Variants in MBD3L1 observed in about 807,000 individuals in gnomAD.
MBD3L1 encodes the protein methyl-CpG-binding domain protein 3-like 1.
For missense variants in MBD3L1, 203 were observed against 230.1 expected (o/e 0.88, Z 0.76); for synonymous variants, 84 against 85.1 (o/e 0.99, Z 0.07).
intron 1 of MBD3L1, among the ~76,000 whole-genome samples, chr19:8,839,817 A>G (rs1187633308): frequency 6.6e-6 from 1 of 152,172 alleles, no homozygotes; most frequent in Non-Finnish European, 1.5e-5. Context: ...AGGGGGTCCC[A>G]GGAAGTTTAG....
rs371090964 is a variant in MBD3L1 at position 8,838,757 on chromosome 19, A to G, written c.-106-2158A>G. ...GATTTATTAGAGAAGATATGAAGAT[A>G]GGTTGCAAGGATGCAACAGGCAGCA... On this transcript the variant is annotated intron_variant, in intron 1 of 2. Coordinates refer to ENST00000595891, the MANE Select transcript of MBD3L1 (RefSeq NM_001393532.1). Among the ~76,000 whole-genome samples, 23 of 152,358 alleles carry G rather than the reference A, an allele frequency of 1.5e-4. 2 individuals carry two copies. The East Asian group carries it at 2.9e-3, about 19-fold the overall frequency.
intron 1 of MBD3L1, among the ~76,000 whole-genome samples, chr19:8,834,234 T>A (rs1257263052): frequency 6.6e-6 from 1 of 152,108 alleles, no homozygotes; most frequent in African/African-American, 2.4e-5. Context: ...AGTTCAAAAT[T>A]CAATATACTA....
In MBD3L1 at chr19:8,838,252, CAAAAAAAAAAAAAAAA is replaced by C. The variant is rs542318207; in HGVS notation, c.-106-2647_-106-2632del. Among the ~76,000 whole-genome samples, 11 of 11,834 alleles carry C rather than the reference CAAAAAAAAAAAAAAAA, an allele frequency of 9.3e-4. 2 individuals carry two copies. Among genetic ancestry groups the C allele is most frequent in the South Asian group, 6.7e-3 (2 of 298 alleles). The allele number at this position is 11,834 out of a possible 152,430, so 7.8% of individuals were successfully genotyped here. A position where few individuals can be genotyped will look rare whatever the true frequency, so the allele number is the denominator to read the frequency against. On this transcript the variant is annotated intron_variant, in intron 1 of 2. Transcript: ENST00000595891. ...TGGACGACAGAGCAAGACTCCATCT[CAAAAAAAAAAAAAAAA>C]AAAAAAAAAAAAAAAGATCAGCAGC... is the stretch of plus-strand genomic sequence containing the variant.
intron 1 of MBD3L1, among the ~76,000 whole-genome samples, chr19:8,834,160 G>A (rs1007205116): frequency 2.0e-5 from 3 of 152,140 alleles, no homozygotes; most frequent in East Asian, 3.8e-4. Flanking sequence ...AAAATAGTTA[G>A]ATCTCTGCTT....
At chr19:8,835,567 T>C (rs2044446641) in intron 1 of MBD3L1, among the ~76,000 whole-genome samples, 1 of 152,242 alleles carries the variant, frequency 6.6e-6, no homozygotes, top group Non-Finnish European at 1.5e-5. Flanking sequence ...GGAATTCTTA[T>C]ACATTGCTGT....
chr19:8,840,398 C>A (rs1483435351), intron 1 of MBD3L1, among the ~76,000 whole-genome samples: 1 of 152,048 alleles, frequency 6.6e-6, no homozygotes, highest in Non-Finnish European at 1.5e-5. Context: ...ACCTCCTGGG[C>A]TCAAGCTATC....
At position 8,840,917 on chromosome 19, in the gene MBD3L1, A is replaced by G. The variant is rs2044505916; in HGVS notation, c.-104A>G. ...TCACGTGATTCTTTTTTCAGCAGTG[A>G]TCATATGACGGTGGTAGCCATGGCG... On this transcript the variant is annotated splice_region_variant and 5_prime_UTR_variant, in exon 2 of 3. Coordinates refer to ENST00000595891, the MANE Select transcript of MBD3L1 (RefSeq NM_001393532.1). 1 of 152,074 alleles carries G rather than the reference A, an allele frequency of 6.6e-6. No individual in the cohort carries two copies. Among genetic ancestry groups the G allele is most frequent in the Non-Finnish European group, 1.5e-5 (1 of 68,014 alleles). The allele number at this position is 152,074 out of a possible 1,614,324, so 9.4% of individuals were successfully genotyped here.
Position 8,843,257 on chromosome 19 carries a change from A to C in MBD3L1, c.579A>C (p.Lys193Asn), listed in dbSNP as rs2044531994. The change falls in exon 3 of 3, where the codon AAA becomes AAC. Residue 193 changes from lysine (K) to asparagine (N), a missense_variant. Coordinates refer to ENST00000595891, the MANE Select transcript of MBD3L1 (RefSeq NM_001393532.1). The part of the protein sequence containing the change: ...KVRDQEGRPE[K>N]R ...GAGACCAAGAAGGCCGTCCTGAAAA[A>C]CGCTAAGAAAAAAAGGGAAGATAGT... 3 of 1,568,622 alleles carry C rather than the reference A, an allele frequency of 1.9e-6. No individual in the cohort carries two copies. Among genetic ancestry groups the C allele is most frequent in the African/African-American group, 1.4e-5 (1 of 73,146 alleles).
intron 1 of MBD3L1, among the ~76,000 whole-genome samples, chr19:8,836,339 TTCTTCC>T (rs1242233944): frequency 1.3e-5 from 2 of 152,028 alleles, no homozygotes; most frequent in Non-Finnish European, 1.5e-5. Flanking sequence ...AGTTCTTCTC[TTCTTCC>T]TCTTCCTCCT....
rs113244355 is a variant in MBD3L1, at chr19:8,842,891, G to A, written c.213G>A (p.Leu71=). 5.5e-5 allele frequency: 88 copies of A among 1,614,252 alleles called. No individual in the cohort carries two copies. The highest frequency in any genetic ancestry group is 6.9e-5 in the Non-Finnish European group (82 of 1,180,050). ...AGCAGGTCTGCTGGCAGAGGAGACT[G>A]CAGGGACTCCAGGCTTACAGCAGTG... ...KPQQVCWQRR[L]QGLQAYSSAG... is the part of the protein sequence containing the mutation. Residue 71 remains leucine, a synonymous_variant, in exon 3 of 3, where the codon CTG becomes CTA. Coordinates refer to ENST00000595891, the MANE Select transcript of MBD3L1 (RefSeq NM_001393532.1).
intron 2 of MBD3L1, among the ~76,000 whole-genome samples, chr19:8,841,398 G>A (rs553748001): frequency 1.1e-4 from 16 of 152,124 alleles, no homozygotes; most frequent in Admixed American, 9.8e-4. Context: ...AGGAGAGAGA[G>A]GAAGGTGAAG....
chr19:8,839,673 A>G (rs2044490960), intron 1 of MBD3L1, among the ~76,000 whole-genome samples: 1 of 152,130 alleles, frequency 6.6e-6, no homozygotes, highest in African/African-American at 2.4e-5. Flanking sequence ...AGCAGCTGAG[A>G]ACGGTGAAGG....
At chr19:8,842,000 T>C (rs2044517118) in intron 2 of MBD3L1, among the ~76,000 whole-genome samples, 1 of 152,174 alleles carries the variant, frequency 6.6e-6, no homozygotes, top group South Asian at 2.1e-4. Flanking sequence ...GGTCAATGTG[T>C]TAAACAGATG....
chr19:8,836,489 CTTCTTTT>C (rs142504780), intron 1 of MBD3L1, among the ~76,000 whole-genome samples: 6,548 of 150,030 alleles, frequency 0.044, 217 homozygotes, highest in Non-Finnish European at 0.068. Flanking sequence ...CTCCTTCTTT[CTTCTTTT>C]TTCTTTTTTT....
At chr19:8,835,311 C>G (rs974585668) in intron 1 of MBD3L1, among the ~76,000 whole-genome samples, 11 of 152,090 alleles carry the variant, frequency 7.2e-5, no homozygotes, top group Non-Finnish European at 1.3e-4. Context: ...CTTGGCCTCC[C>G]TAAGTGCTGG....
In MBD3L1 at chr19:8,835,006, G is replaced by A. The variant is rs562987542; in HGVS notation, c.-107+2484G>A. 1.2e-4 allele frequency among the ~76,000 whole-genome samples: 18 copies of A among 151,066 alleles called. 1 individual carries two copies. The East Asian group carries it at 1.9e-3, about 16-fold the overall frequency. On this transcript the variant is annotated intron_variant, in intron 1 of 2. Coordinates refer to ENST00000595891, the MANE Select transcript of MBD3L1 (RefSeq NM_001393532.1). ...GTATTCAAAATATATAAAGGCTTGC[G>A]ACTCAGCAATAAAAAGATACCCAAT... is the stretch of plus-strand genomic sequence containing the variant.
At chr19:8,835,047 A>AG (rs1184866636) in intron 1 of MBD3L1, among the ~76,000 whole-genome samples, 2 of 150,500 alleles carry the variant, frequency 1.3e-5, no homozygotes, top group African/African-American at 4.9e-5. Flanking sequence ...GTGAACAAAG[A>AG]GTTTTTTTTT....
Position 8,842,885 on chromosome 19 carries a change from G to A in MBD3L1, c.207G>A (p.Arg69=). Residue 69 remains arginine (R), a synonymous_variant, in exon 3 of 3, where the codon AGG becomes AGA. Coordinates refer to ENST00000595891, the MANE Select transcript of MBD3L1 (RefSeq NM_001393532.1). ...LEKPQQVCWQ[R]RLQGLQAYSS... is the part of the protein sequence containing the mutation. ...AGCCTCAGCAGGTCTGCTGGCAGAG[G>A]AGACTGCAGGGACTCCAGGCTTACA... The A allele has an allele frequency of 1.2e-6, 2 of 1,614,218 alleles. No homozygotes were observed. Among genetic ancestry groups the A allele is most frequent in the Non-Finnish European group, 1.7e-6 (2 of 1,180,046 alleles).
chr19:8,843,105 C>T lies in MBD3L1; in HGVS notation c.427C>T (p.Leu143Phe), dbSNP rs1414247772. The T allele has an allele frequency of 7.4e-6, 12 of 1,613,636 alleles. No individual in the cohort carries two copies. The highest frequency in any genetic ancestry group is 1.7e-6 in the Non-Finnish European group (2 of 1,179,856). Residue 143 changes from leucine (L) to phenylalanine (F), a missense_variant, in exon 3 of 3, where the codon CTC (leucine) becomes TTC (phenylalanine). Transcript: ENST00000595891. ...PAEGVGISQL[L>F]CKQFLVTEED... ...AGAGGGAGTGGGTATCTCGCAGCTCCTCTGCAAACAATTTCTGGTTACTGA... is the reference window on the plus strand; with the variant it reads ...AGAGGGAGTGGGTATCTCGCAGCTCTTCTGCAAACAATTTCTGGTTACTGA...
Sources: gnomAD v4.1 joint callset for allele counts (sites outside exome capture counted in the v4.1 genomes callset) on GRCh38, gnomAD v4.1.1 for gene constraint, MANE v1.5 for transcripts, NCBI Gene and HGNC (gene_info 2026-07-23, HGNC 2026-07-21) for gene names.